Variants in RARB observed in about 807,000 individuals in gnomAD.
The protein encoded by RARB is HBV-activated protein.
A neutral mutation model predicts 51.9 loss-of-function variants in RARB; 17 were observed. The ratio of observed to expected loss-of-function variants is 0.33; its 90% CI spans 0.22 to 0.49. The LOEUF (loss-of-function observed/expected upper bound fraction) is 0.49, where lower values mean the gene tolerates loss of function less well. Ranked by LOEUF, RARB falls within the 20% of genes least tolerant of loss-of-function variation. The pLI, the probability that RARB is intolerant of heterozygous loss-of-function variation, is 0.99. For missense variants in RARB, 369 were observed against 550.8 expected (o/e 0.67, Z 3.30); for synonymous variants, 215 against 195.4 (o/e 1.10, Z -0.84).
chr3:25,070,196 C>T (rs1258088629), intron 3 of RARB, among the ~76,000 whole-genome samples: 3 of 152,190 alleles, frequency 2.0e-5, no homozygotes, highest in Non-Finnish European at 4.4e-5. Flanking sequence ...CTTTGCATGG[C>T]TCTTATTATA....
intron 3 of RARB, among the ~76,000 whole-genome samples, chr3:25,553,773 A>G (rs1209266866): frequency 6.6e-6 from 1 of 152,174 alleles, no homozygotes; most frequent in Non-Finnish European, 1.5e-5. Context: ...GAGAATCGAA[A>G]CATCCAACAT....
At chr3:25,031,959 T>A (rs1697885621) in intron 2 of RARB, among the ~76,000 whole-genome samples, 1 of 152,182 alleles carries the variant, frequency 6.6e-6, no homozygotes, top group Non-Finnish European at 1.5e-5. Flanking sequence ...TTAACACTAT[T>A]GTTAGAGTTG....
At position 25,593,638 on chromosome 3, in the gene RARB, C is replaced by T; in HGVS notation, c.922C>T (p.Gln308Ter). 1 of 1,614,122 alleles carries T rather than the reference C, an allele frequency of 6.2e-7. No individual in the cohort carries two copies. Among genetic ancestry groups the T allele is most frequent in the Non-Finnish European group, 8.5e-7 (1 of 1,179,998 alleles). ...LTDLVFTFAN[Q>*]LLPLEMDDTE... ...TGACCTTGTGTTCACCTTTGCCAAC[C>T]AGCTCCTGCCTTTGGAAATGGATGA... Residue 308 changes from glutamine to a stop codon, truncating the protein, a stop_gained, in exon 6 of 8, where the codon CAG becomes TAG. Transcript: ENST00000330688. LOFTEE classifies it high-confidence loss of function.
intron 2 of RARB, among the ~76,000 whole-genome samples, chr3:24,943,332 G>C (rs1377682861): frequency 6.6e-6 from 1 of 152,202 alleles, no homozygotes; most frequent in East Asian, 1.9e-4. Context: ...TCTTTTGGGG[G>C]TAAATTTCCA....
chr3:24,900,219 T>G (rs1346777609), intron 2 of RARB, among the ~76,000 whole-genome samples: 5 of 152,170 alleles, frequency 3.3e-5, no homozygotes, highest in African/African-American at 1.2e-4. Context: ...GTCTGCAGCG[T>G]GTGTAACTCC....
intron 3 of RARB, among the ~76,000 whole-genome samples, chr3:25,550,229 T>G (rs1398192577): frequency 6.6e-6 from 1 of 152,174 alleles, no homozygotes; most frequent in Non-Finnish European, 1.5e-5. Flanking sequence ...TATTAGTTCT[T>G]GAGACATTAT....
At chr3:25,450,813 C>T (rs971797269) in intron 1 of RARB, among the ~76,000 whole-genome samples, 16 of 152,034 alleles carry the variant, frequency 1.1e-4, no homozygotes, top group African/African-American at 3.1e-4. Context: ...CGGCCGGGTG[C>T]GGTGGCTCAC....
intron 5 of RARB, among the ~76,000 whole-genome samples, chr3:25,410,812 C>T (rs1030879956): frequency 1.3e-5 from 2 of 152,334 alleles, no homozygotes; most frequent in Admixed American, 6.5e-5. Context: ...CACTGCATAT[C>T]AGGGCCTCTC....
chr3:25,502,431 G>C (rs1457059025), intron 3 of RARB, among the ~76,000 whole-genome samples: 1 of 152,190 alleles, frequency 6.6e-6, no homozygotes, highest in African/African-American at 2.4e-5. Context: ...CTTGCCCTCT[G>C]CTGGGAGCTA....
intron 4 of RARB, among the ~76,000 whole-genome samples, chr3:25,579,792 T>C (rs1324875689): frequency 1.3e-5 from 2 of 152,228 alleles, no homozygotes; most frequent in African/African-American, 4.8e-5. Context: ...CTGGATTTCC[T>C]GAGGTTATCT....
At chr3:24,977,422 C>T (rs1181186663) in intron 2 of RARB, among the ~76,000 whole-genome samples, 1 of 152,068 alleles carries the variant, frequency 6.6e-6, no homozygotes, top group Non-Finnish European at 1.5e-5. Context: ...TTGTTTGTGT[C>T]CTCTTTTATT....
chr3:25,326,610 G>A (rs531296977), intron 5 of RARB, among the ~76,000 whole-genome samples: 1 of 152,204 alleles, frequency 6.6e-6, no homozygotes, highest in East Asian at 1.9e-4. Flanking sequence ...CTGTTTTTCA[G>A]CAAAGTAGTT....
chr3:25,056,127 G>C (rs532645929), intron 2 of RARB, among the ~76,000 whole-genome samples: 1 of 152,240 alleles, frequency 6.6e-6, no homozygotes, highest in East Asian at 1.9e-4. Context: ...AGGGGGTCAA[G>C]AGATCTATTT....
chr3:25,150,687 A>G (rs1187116278), intron 4 of RARB, among the ~76,000 whole-genome samples: 1 of 152,232 alleles, frequency 6.6e-6, no homozygotes, highest in Non-Finnish European at 1.5e-5. Context: ...TGTATTCACA[A>G]TGATCTTTTT....
intron 2 of RARB, among the ~76,000 whole-genome samples, chr3:24,883,567 C>A (rs1311477045): frequency 6.6e-6 from 1 of 151,988 alleles, no homozygotes; most frequent in Non-Finnish European, 1.5e-5. Context: ...ATCATCAAAC[C>A]ATCAGTCTTG....
chr3:25,278,347 TG>T (rs2125414658), intron 5 of RARB, among the ~76,000 whole-genome samples: 1 of 152,322 alleles, frequency 6.6e-6, no homozygotes, highest in Admixed American at 6.5e-5. Context: ...AGTTGCCCCT[TG>T]GAAGACCCTC....
At chr3:25,341,565 C>T (rs192918320) in intron 5 of RARB, among the ~76,000 whole-genome samples, 1 of 152,236 alleles carries the variant, frequency 6.6e-6, no homozygotes, top group East Asian at 1.9e-4. Flanking sequence ...TTGATGACTT[C>T]TCTCTGTGGT....
At position 25,180,383 on chromosome 3, in the gene RARB, A is replaced by G. The variant is rs78581602; in HGVS notation, c.178+5808A>G. On this transcript the variant is annotated intron_variant, in intron 5 of 11. Transcript: ENST00000383772. Reference sequence around the variant, plus strand: ...ATAAAAATTGAACTTTGGAAAAGTTAGAATCATGACAATGGCTTTGAGTTG... The same window carrying G: ...ATAAAAATTGAACTTTGGAAAAGTTGGAATCATGACAATGGCTTTGAGTTG... Among the ~76,000 whole-genome samples the G allele has an allele frequency of 2.3e-3, 355 of 152,364 alleles. 2 individuals carry two copies. The highest frequency in any genetic ancestry group is 0.02 in the East Asian group (106 of 5,186).
At chr3:25,282,353 G>A (rs1026181536) in intron 5 of RARB, among the ~76,000 whole-genome samples, 1 of 152,188 alleles carries the variant, frequency 6.6e-6, no homozygotes, top group African/African-American at 2.4e-5. Flanking sequence ...ACTCTTGAAT[G>A]TTTAAATCAT....
Sources: gnomAD v4.1 joint callset for allele counts (sites outside exome capture counted in the v4.1 genomes callset) on GRCh38, gnomAD v4.1.1 for gene constraint, MANE v1.5 for transcripts, NCBI Gene and HGNC (gene_info 2026-07-23, HGNC 2026-07-21) for gene names.